CYP3A5: variants seen among roughly 807,000 people sequenced by gnomAD.
The protein encoded by CYP3A5 is cytochrome P450 family 3 subfamily A member 5.
CYP3A5 carries 51 observed loss-of-function variants against 55.9 expected under a neutral mutation model. The observed-to-expected ratio is 0.91, with a 90% CI of 0.73 to 1.15. The LOEUF is 1.15. Among genes scored for constraint, CYP3A5 ranks in the 50% most tolerant of loss-of-function variants. The pLI, the probability that CYP3A5 is intolerant of heterozygous loss-of-function variation, is 0.00. For missense variants in CYP3A5, 533 were observed against 596.6 expected (o/e 0.89, Z 1.11); for synonymous variants, 196 against 213.9 (o/e 0.92, Z 0.73).
chr7:99,676,146 G>A lies in CYP3A5; in HGVS notation c.134C>T (p.Pro45Leu). 2.5e-6 allele frequency: 4 copies of A among 1,613,808 alleles called. No homozygotes were observed. The highest frequency in any genetic ancestry group is 3.4e-6 in the Non-Finnish European group (4 of 1,179,888). Residue 45 changes from proline to leucine, a missense_variant, in exon 2 of 13, where the codon CCT becomes CTT. Pro to Leu is a moderately conservative substitution (Grantham distance 98). Transcript: ENST00000222982. Reference sequence around the variant, plus strand: ...ATAGGACAAAACATTTCCCAACAAAGGCAGAGGTGTGGGCCCTGGAATTCC... The same window carrying A: ...ATAGGACAAAACATTTCCCAACAAAAGCAGAGGTGTGGGCCCTGGAATTCC... The part of the protein sequence containing the change: ...RLGIPGPTPL[P>L]LLGNVLSYRQ...
chr7:99,654,037 T>G (rs1490323093), intron 10 of CYP3A5, among the ~76,000 whole-genome samples: 1 of 152,054 alleles, frequency 6.6e-6, no homozygotes, highest in African/African-American at 2.4e-5. Context: ...CACTATCCAG[T>G]CTTGTGAGCA....
In CYP3A5 at chr7:99,662,281, C is replaced by T. The variant is rs1320982864; in HGVS notation, c.865+535G>A. 6.6e-6 allele frequency among the ~76,000 whole-genome samples: 1 copy of T among 152,146 alleles called. No homozygotes were observed. The highest frequency in any genetic ancestry group is 1.9e-4 in the East Asian group (1 of 5,194). The stretch of plus-strand genomic sequence containing the variant: ...TTAGTAATAATGGTTTTGGTTAAAA[C>T]CATCCATGGGTCATAAAACTAGTAG... On this transcript the variant is annotated intron_variant, in intron 9 of 12. Coordinates refer to ENST00000222982, the MANE Select transcript of CYP3A5 (RefSeq NM_000777.5). The surrounding 1 kb of genome is among the most constrained non-coding windows in gnomAD (Gnocchi z 4.3).
chr7:99,666,650 T>C lies in CYP3A5; in HGVS notation c.472A>G (p.Arg158Gly), dbSNP rs1811052127. 1.2e-6 allele frequency: 2 copies of C among 1,614,042 alleles called. No homozygotes were observed. The change falls in exon 6 of 13, where the codon AGA (arginine) becomes GGA (glycine). Residue 158 changes from arginine to glycine, a missense_variant. Transcript: ENST00000222982. ...IIAQYGDVLVRNLRREAEKGK... is the reference protein window; with the variant it reads ...IIAQYGDVLVGNLRREAEKGK... The stretch of plus-strand genomic sequence containing the variant: ...TTCTCTGCTTCCCGCCTCAAGTTTC[T>C]CACCAATACATCTCCATACTGGGCA...
At position 99,662,903 on chromosome 7, in the gene CYP3A5, T is replaced by G. The variant is rs1562993413; in HGVS notation, c.799-21A>C. ...CGGTGCTAGAAGCAAAAGGAGAGAT[T>G]TCTTTGGCAGAAAGTGACTCGTGAA... On this transcript the variant is annotated intron_variant, in intron 8 of 12. Coordinates refer to ENST00000222982, the MANE Select transcript of CYP3A5 (RefSeq NM_000777.5). The surrounding 1 kb of genome is among the most constrained non-coding windows in gnomAD (Gnocchi z 4.3). 6.2e-7 allele frequency: 1 copy of G among 1,613,260 alleles called. No individual in the cohort carries two copies.
At chr7:99,655,348 C>T (rs1383052278) in intron 10 of CYP3A5, among the ~76,000 whole-genome samples, 3 of 152,020 alleles carry the variant, frequency 2.0e-5, no homozygotes, top group African/African-American at 4.8e-5. Context: ...CCTTTCCCCA[C>T]TGCTTGTTTT....
At chr7:99,676,549 A>G in intron 1 of CYP3A5, 1 of 1,359,944 alleles carries the variant, frequency 7.4e-7, no homozygotes, top group Non-Finnish European at 9.7e-7. Context: ...TAGTAAGTGG[A>G]CTCTTCGCTG....
chr7:99,672,790 T>C, intron 3 of CYP3A5, 111 bp from the exon 4 acceptor site: 1 of 1,556,252 alleles, frequency 6.4e-7, no homozygotes, highest in East Asian at 2.3e-5. Context: ...ATACCCCTAG[T>C]TGTACGACAC....
At position 99,672,042 on chromosome 7, in the gene CYP3A5, TTTG is replaced by T. The variant is rs573372567; in HGVS notation, c.318+535_318+537del. ...CAAAAGTTATTGCAGTTTGCCGGTT[TTTG>T]TTGTTGTTGTTGTTGTTGTTGTTTG... On this transcript the variant is annotated intron_variant, in intron 4 of 12. Transcript: ENST00000222982. Among the ~76,000 whole-genome samples the T allele has an allele frequency of 1.1e-3, 173 of 151,802 alleles. 1 individual carries two copies. Among genetic ancestry groups the T allele is most frequent in the Admixed American group, 3.0e-3 (46 of 15,230 alleles).
chr7:99,652,523 G>T (rs1562985070), intron 11 of CYP3A5, 30 bp downstream of exon 11: 1 of 1,522,612 alleles, frequency 6.6e-7, no homozygotes, highest in Non-Finnish European at 9.0e-7. Context: ...CCTGGGTCAG[G>T]GTGAGCTCCA....
intron 4 of CYP3A5, among the ~76,000 whole-genome samples, chr7:99,667,293 C>G (rs1811128720): frequency 6.6e-6 from 1 of 152,170 alleles, no homozygotes; most frequent in African/African-American, 2.4e-5. Context: ...GGTGTGGTCT[C>G]CTGCCTCTAT....
intron 6 of CYP3A5, 97 bp from the exon 7 acceptor site, chr7:99,665,411 T>A (rs1353144231): frequency 6.7e-6 from 10 of 1,491,998 alleles, no homozygotes; most frequent in Non-Finnish European, 9.3e-6. Context: ...TCAAGACACA[T>A]AAAGAGCCAC....
intron 10 of CYP3A5, among the ~76,000 whole-genome samples, chr7:99,655,483 C>G (rs933758173): frequency 6.6e-6 from 1 of 152,138 alleles, no homozygotes; most frequent in African/African-American, 2.4e-5. Context: ...TTACTGTAGC[C>G]TTGTAGTATA....
chr7:99,674,537 A>C lies in CYP3A5; in HGVS notation c.214T>G (p.Trp72Gly). ...GGAGGTTTTCAGAATACTCACCCCCACATTTTTCCATACTTTTTATAGCAC... is the reference window on the plus strand; with the variant it reads ...GGAGGTTTTCAGAATACTCACCCCCCCATTTTTCCATACTTTTTATAGCAC... ...TECYKKYGKM[W>G]GTYEGQLPVL... Residue 72 changes from tryptophan to glycine, a missense_variant, in exon 3 of 13, where the codon TGG becomes GGG. By Grantham distance (184) the Trp-to-Gly change is radical. Transcript: ENST00000222982. The C allele has an allele frequency of 6.2e-7, 1 of 1,613,642 alleles. No individual in the cohort carries two copies. Among genetic ancestry groups the C allele is most frequent in the Non-Finnish European group, 8.5e-7 (1 of 1,179,656 alleles).
chr7:99,663,010 G>C, intron 8 of CYP3A5, 128 bp from the exon 9 acceptor site: 5 of 1,457,868 alleles, frequency 3.4e-6, no homozygotes, highest in Non-Finnish European at 3.6e-6. Context: ...TCTTGAAGAC[G>C]TGTTACCTGA....
Position 99,679,686 on chromosome 7 carries a change from CT to C in CYP3A5, c.71+139del, listed in dbSNP as rs41300710. 16 of 730,024 alleles carry C rather than the reference CT, an allele frequency of 2.2e-5. No individual in the cohort carries two copies. The East Asian group carries it at 2.3e-4, about 10-fold the overall frequency. The allele number at this position is 730,024 out of a possible 1,614,324, so 45.2% of individuals were successfully genotyped here. ...GATCTGCATAAGATAATAATAACTTCTATGCGTTTGTAGCGTCCAACACTTC... is the reference window on the plus strand; with the variant it reads ...GATCTGCATAAGATAATAATAACTTCATGCGTTTGTAGCGTCCAACACTTC... On this transcript the variant is annotated intron_variant, in intron 1 of 12. Coordinates refer to ENST00000222982, the MANE Select transcript of CYP3A5 (RefSeq NM_000777.5).
intron 10 of CYP3A5, chr7:99,660,241 T>C (rs1810287887): frequency 2.0e-6 from 2 of 978,258 alleles, no homozygotes; most frequent in South Asian, 4.8e-5. Flanking sequence ...TTTTTTTTTT[T>C]TTTTACTTAG....
intron 4 of CYP3A5, chr7:99,671,952 G>A (rs193189322): frequency 2.7e-5 from 18 of 676,912 alleles, no homozygotes; most frequent in African/African-American, 2.5e-4. Context: ...TAAAACTGGT[G>A]AAATCTGAAA....
intron 3 of CYP3A5, chr7:99,672,924 C>A (rs1342918825): frequency 1.5e-6 from 2 of 1,291,552 alleles, no homozygotes; most frequent in Non-Finnish European, 2.0e-6. Flanking sequence ...TATTGAAAGA[C>A]AAAAGAGCTC....
intron 3 of CYP3A5, 48 bp downstream of exon 3, chr7:99,674,485 C>A (rs763669068): frequency 1.1e-5 from 16 of 1,505,798 alleles, no homozygotes; most frequent in Non-Finnish European, 1.3e-5. Context: ...GTGGGGTAAC[C>A]TCCTCACAGT....
Sources: gnomAD v4.1 joint callset for allele counts (sites outside exome capture counted in the v4.1 genomes callset) on GRCh38, gnomAD v4.1.1 for gene constraint, Gnocchi (gnomAD v3.1) non-coding constraint, MANE v1.5 for transcripts, NCBI Gene and HGNC (gene_info 2026-07-23, HGNC 2026-07-21) for gene names.